Variants in BRAF observed in about 807,000 individuals in gnomAD.
BRAF encodes the protein B-Raf proto-oncogene, serine/threonine kinase.
BRAF carries 16 observed loss-of-function variants against 104.6 expected under a neutral mutation model. The observed-to-expected ratio is 0.15, with a 90% CI of 0.10 to 0.23. The LOEUF is 0.23. BRAF is among the 10% of genes least tolerant of loss of function. The pLI, the probability that BRAF is intolerant of heterozygous loss-of-function variation, is 1.00. For missense variants in BRAF, 541 were observed against 937.3 expected (o/e 0.58, Z 5.52); for synonymous variants, 310 against 341.6 (o/e 0.91, Z 1.02).
At chr7:140,787,072 C>T (rs929822287) in intron 9 of BRAF, among the ~76,000 whole-genome samples, 2 of 149,388 alleles carry the variant, frequency 1.3e-5, no homozygotes, top group South Asian at 2.1e-4. Context: ...GAGGCCGAGG[C>T]GGGCGGATCA....
intron 14 of BRAF, among the ~76,000 whole-genome samples, chr7:140,755,768 A>G (rs2129000976): frequency 6.6e-6 from 1 of 152,184 alleles, no homozygotes; most frequent in East Asian, 1.9e-4. Flanking sequence ...TCAAAGCTTT[A>G]AGATGGTGAG....
chr7:140,820,357 C>A (rs1431226792), intron 3 of BRAF, among the ~76,000 whole-genome samples: 1 of 151,946 alleles, frequency 6.6e-6, no homozygotes, highest in East Asian at 1.9e-4. Context: ...ATTTATCTTC[C>A]CCAATAAAAG....
At chr7:140,883,085 A>G (rs1813136225) in intron 1 of BRAF, among the ~76,000 whole-genome samples, 2 of 152,096 alleles carry the variant, frequency 1.3e-5, no homozygotes, top group Admixed American at 1.3e-4. Flanking sequence ...TATCAAAAAG[A>G]TAATTTTCCT....
chr7:140,721,386 T>A lies in BRAF; in HGVS notation c.*5108A>T. 8.1e-7 allele frequency: 1 copy of A among 1,232,824 alleles called. No homozygotes were observed. The highest frequency in any genetic ancestry group is 1.0e-6 in the Non-Finnish European group (1 of 988,236). 76.4% of individuals were successfully genotyped at this position (1,232,824 alleles called of 1,614,324 possible). ...CACATTAAAAATACCTGATAGGAAC[T>A]GTTAATTACCCTTTCCACAATTAAC... is the stretch of plus-strand genomic sequence containing the variant. On this transcript the variant is annotated 3_prime_UTR_variant, in exon 20 of 20. Coordinates refer to ENST00000644969, the MANE Select transcript of BRAF (RefSeq NM_001374258.1).
intron 19 of BRAF, chr7:140,733,716 TC>T (rs1240927726): frequency 6.6e-6 from 1 of 152,592 alleles, no homozygotes; most frequent in Non-Finnish European, 1.5e-5. Context: ...CTTTAAAAAA[TC>T]TATTACCTGG....
chr7:140,834,381 C>A, intron 3 of BRAF: 1 of 652,116 alleles, frequency 1.5e-6, no homozygotes, highest in Non-Finnish European at 2.6e-6. Context: ...TCAAGTTTGG[C>A]AGACAGGTTT....
chr7:140,767,752 G>C (rs748037655), intron 14 of BRAF, among the ~76,000 whole-genome samples: 6 of 152,180 alleles, frequency 3.9e-5, no homozygotes, highest in Non-Finnish European at 7.3e-5. Flanking sequence ...ACACCCTGGA[G>C]CTGAAGTACC....
downstream of BRAF, among the ~76,000 whole-genome samples, chr7:140,717,498 T>G (rs1795157131): frequency 6.6e-6 from 1 of 152,178 alleles, no homozygotes; most frequent in South Asian, 2.1e-4. Flanking sequence ...TCCTCCCACT[T>G]TAGCCTCCCA....
At chr7:140,857,303 G>A (rs1016475850) in intron 1 of BRAF, among the ~76,000 whole-genome samples, 1 of 152,330 alleles carries the variant, frequency 6.6e-6, no homozygotes, top group East Asian at 1.9e-4. Context: ...GCAGCTCTAG[G>A]AGCTGGAAAA....
At chr7:140,833,080 G>A (rs1455286302) in intron 3 of BRAF, among the ~76,000 whole-genome samples, 1 of 151,938 alleles carries the variant, frequency 6.6e-6, no homozygotes, top group Non-Finnish European at 1.5e-5. Flanking sequence ...TTCACCGTGT[G>A]TTAGCCAGGA....
At chr7:140,780,343 C>G (rs1800753200) in intron 12 of BRAF, 1 of 150,782 alleles carries the variant, frequency 6.6e-6, no homozygotes, top group Non-Finnish European at 1.5e-5. Flanking sequence ...TAGGTTCAAG[C>G]AATTCTCCTG....
chr7:140,795,783 A>C (rs75486053), intron 7 of BRAF, among the ~76,000 whole-genome samples: 7,154 of 152,028 alleles, frequency 0.047, 199 homozygotes, highest in Middle Eastern at 0.085. Flanking sequence ...TTATGTACTA[A>C]AAAAAAATTG....
chr7:140,739,507 A>G (rs1226953219), intron 18 of BRAF, among the ~76,000 whole-genome samples: 1 of 111,016 alleles, frequency 9.0e-6, no homozygotes, highest in African/African-American at 5.0e-5. Flanking sequence ...TTATATAAAC[A>G]AAAGCTCTTT....
intron 2 of BRAF, among the ~76,000 whole-genome samples, chr7:140,837,520 T>C (rs1807473871): frequency 6.6e-6 from 1 of 152,230 alleles, no homozygotes. Flanking sequence ...ATTCTTGTTA[T>C]TTTATCAACT....
At chr7:140,727,605 T>C (rs1795678823) in intron 19 of BRAF, among the ~76,000 whole-genome samples, 1 of 152,016 alleles carries the variant, frequency 6.6e-6, no homozygotes, top group African/African-American at 2.4e-5. Context: ...TAACAAAATT[T>C]AGTCAGCCAT....
intron 14 of BRAF, among the ~76,000 whole-genome samples, chr7:140,765,743 T>C (rs201757795): frequency 3.3e-4 from 50 of 152,064 alleles, no homozygotes; most frequent in African/African-American, 8.7e-4. Flanking sequence ...ATCAAAACCA[T>C]AATGAGATAC....
rs1818718405 is a variant in BRAF, at chr7:140,924,845, G to T, written c.-142C>A. The T allele has an allele frequency of 6.7e-6, 2 of 300,092 alleles. No individual in the cohort carries two copies. The highest frequency in any genetic ancestry group is 1.1e-4 in the East Asian group (2 of 17,708). The allele number at this position is 300,092 out of a possible 1,614,324, so 18.6% of individuals were successfully genotyped here. A position where few individuals can be genotyped will look rare whatever the true frequency, so the allele number is the denominator to read the frequency against. The stretch of plus-strand genomic sequence containing the variant: ...GGCGCGGGGAGGAGCGGCCCGGGCG[G>T]CGCCGCGGGCGGAGGGCGCCTGGGC... On this transcript the variant is annotated 5_prime_UTR_variant, in exon 1 of 20. Coordinates refer to ENST00000644969, the MANE Select transcript of BRAF (RefSeq NM_001374258.1). The surrounding 1 kb of genome is among the most constrained non-coding windows in gnomAD (Gnocchi z 4.2).
At chr7:140,732,690 T>C (rs1359607847) in intron 19 of BRAF, 2 of 152,166 alleles carry the variant, frequency 1.3e-5, no homozygotes, top group South Asian at 2.1e-4. Context: ...ATGCAGATGA[T>C]GGGAGCCTAG....
At chr7:140,795,583 T>A (rs1411976770) in intron 7 of BRAF, among the ~76,000 whole-genome samples, 1 of 152,122 alleles carries the variant, frequency 6.6e-6, no homozygotes, top group African/African-American at 2.4e-5. Context: ...TGAATAAAGG[T>A]TTGAAGAGCC....
Sources: allele counts gnomAD v4.1 joint callset (sites outside exome capture counted in the v4.1 genomes callset), GRCh38; gene constraint gnomAD v4.1.1; non-coding constraint Gnocchi (gnomAD v3.1); transcripts MANE v1.5; gene names NCBI Gene and HGNC (gene_info 2026-07-23, HGNC 2026-07-21).